Variants in CPXM2 observed in about 807,000 individuals in gnomAD.
CPXM2 encodes carboxypeptidase X, M14 family member 2.
CPXM2 carries 66 observed loss-of-function variants against 86.1 expected under a neutral mutation model. The observed-to-expected ratio is 0.77, with a 90% CI of 0.63 to 0.94. The LOEUF is 0.94. Ranked by LOEUF, CPXM2 falls within the 40% of genes least tolerant of loss-of-function variation. The pLI, the probability that CPXM2 is intolerant of heterozygous loss-of-function variation, is 0.00. For missense variants in CPXM2, 948 were observed against 1,026.3 expected, an observed-to-expected ratio of 0.92 and a Z score of 1.04; for synonymous variants, 388 against 400.2, an observed-to-expected ratio of 0.97 and a Z score of 0.36.
At chr10:123,825,655 C>A (rs575612052) in intron 4 of CPXM2, among the ~76,000 whole-genome samples, 3 of 152,200 alleles carry the variant, frequency 2.0e-5, no homozygotes, top group Non-Finnish European at 4.4e-5. Flanking sequence ...AAGCATCACA[C>A]AGCAGTCTCA....
chr10:123,899,395 T>A (rs1397660935), intron 2 of CPXM2, among the ~76,000 whole-genome samples: 1 of 152,208 alleles, frequency 6.6e-6, no homozygotes, highest in East Asian at 1.9e-4. Context: ...AAGGAAAAGG[T>A]TGTATGATTA....
At chr10:123,765,241 C>G (rs1009618095) in intron 10 of CPXM2, among the ~76,000 whole-genome samples, 1 of 152,210 alleles carries the variant, frequency 6.6e-6, no homozygotes, top group Non-Finnish European at 1.5e-5. Flanking sequence ...TATGTCAAAC[C>G]TGTTAGCCTT....
At chr10:123,902,410 A>C (rs1224845203) in intron 2 of CPXM2, among the ~76,000 whole-genome samples, 1 of 152,228 alleles carries the variant, frequency 6.6e-6, no homozygotes, top group Non-Finnish European at 1.5e-5. Context: ...GAATTTAATA[A>C]AATAATGCAT....
rs537239275 is a variant in CPXM2, at chr10:123,831,095, A to G, written c.653+11254T>C. Reference sequence around the variant, plus strand: ...GAGGAAATGCTGTAAACTTAGAAATATTATCTATTCTCCATTACCTCCAGC... The same window carrying G: ...GAGGAAATGCTGTAAACTTAGAAATGTTATCTATTCTCCATTACCTCCAGC... On this transcript the variant is annotated intron_variant, in intron 4 of 13. Coordinates refer to ENST00000241305, the MANE Select transcript of CPXM2 (RefSeq NM_198148.3). Among the ~76,000 whole-genome samples, 10 of 152,320 alleles carry G rather than the reference A, an allele frequency of 6.6e-5. 1 individual carries two copies. In the South Asian group the frequency reaches 2.1e-3, roughly 32 times the overall value.
upstream of CPXM2, among the ~76,000 whole-genome samples, chr10:123,892,760 G>C (rs1233683425): frequency 2.6e-5 from 4 of 152,186 alleles, no homozygotes; most frequent in Non-Finnish European, 5.9e-5. Context: ...CTCAGGTATT[G>C]GCTGAATTCA....
At chr10:123,840,002 A>G (rs922757737) in intron 4 of CPXM2, among the ~76,000 whole-genome samples, 1 of 152,170 alleles carries the variant, frequency 6.6e-6, no homozygotes, top group Non-Finnish European at 1.5e-5. Context: ...TGCTTACCCC[A>G]ACCCTTCTTG....
At position 123,845,909 on chromosome 10, in the gene CPXM2, G is replaced by C. The variant is rs979184666; in HGVS notation, c.514-3421C>G. Among the ~76,000 whole-genome samples the C allele has an allele frequency of 2.6e-5, 4 of 152,236 alleles. No individual in the cohort carries two copies. The East Asian group carries it at 7.7e-4, about 29-fold the overall frequency. On this transcript the variant is annotated intron_variant, in intron 3 of 13. Coordinates refer to ENST00000241305, the MANE Select transcript of CPXM2 (RefSeq NM_198148.3). Reference sequence around the variant, plus strand: ...TCAATAGCAGCATCTGAAGCTAGAAGAATGGAGGGATGGTGCTTTCAAAGT... The same window carrying C: ...TCAATAGCAGCATCTGAAGCTAGAACAATGGAGGGATGGTGCTTTCAAAGT...
At chr10:123,797,894 G>T in intron 6 of CPXM2, 82 bp downstream of exon 6, 1 of 1,385,834 alleles carries the variant, frequency 7.2e-7, no homozygotes, top group Non-Finnish European at 9.5e-7. Flanking sequence ...GGTCTGCTTA[G>T]TTTATTTTTA....
At chr10:123,822,323 C>A (rs1484981601) in intron 4 of CPXM2, among the ~76,000 whole-genome samples, 1 of 152,206 alleles carries the variant, frequency 6.6e-6, no homozygotes, top group Non-Finnish European at 1.5e-5. Flanking sequence ...TTTCTCTTCA[C>A]CCTTGCACCA....
chr10:123,937,910 C>T (rs927997592), intron 2 of CPXM2, among the ~76,000 whole-genome samples: 8 of 152,080 alleles, frequency 5.3e-5, no homozygotes, highest in Non-Finnish European at 8.8e-5. Flanking sequence ...TGCAAGAAAC[C>T]CCAGTGTCTA....
intron 4 of CPXM2, among the ~76,000 whole-genome samples, chr10:123,817,215 C>T (rs1391657964): frequency 6.6e-6 from 1 of 152,136 alleles, no homozygotes; most frequent in African/African-American, 2.4e-5. Context: ...GGATCCAGAA[C>T]AGGAGAAGGC....
At chr10:123,762,247 C>A in intron 10 of CPXM2, 78 bp from the exon 11 acceptor site, 1 of 1,585,542 alleles carries the variant, frequency 6.3e-7, no homozygotes. Flanking sequence ...GGGACATAGT[C>A]GAAAAAGCAG....
At chr10:123,911,090 C>A (rs1484736098) in intron 2 of CPXM2, among the ~76,000 whole-genome samples, 3 of 152,210 alleles carry the variant, frequency 2.0e-5, no homozygotes, top group African/African-American at 7.2e-5. Flanking sequence ...TTGATTAAAC[C>A]TGCAAAGACC....
At chr10:123,887,240 A>G (rs1945192102) in intron 1 of CPXM2, 1 of 143,850 alleles carries the variant, frequency 7.0e-6, no homozygotes, top group African/African-American at 2.7e-5. Flanking sequence ...AATAAGCAAG[A>G]ATCTGTGCTC....
intron 13 of CPXM2, among the ~76,000 whole-genome samples, chr10:123,753,140 G>T (rs1846120481): frequency 6.6e-6 from 1 of 152,142 alleles, no homozygotes; most frequent in Admixed American, 6.5e-5. Context: ...ACCCCCCGGG[G>T]AAGAAGGTTC....
intron 2 of CPXM2, among the ~76,000 whole-genome samples, chr10:123,878,076 A>G (rs1945017139): frequency 6.6e-6 from 1 of 152,050 alleles, no homozygotes; most frequent in African/African-American, 2.4e-5. Flanking sequence ...CAACCTGAGT[A>G]GATCCTGACA....
intron 4 of CPXM2, among the ~76,000 whole-genome samples, chr10:123,812,937 G>A (rs573310204): frequency 2.4e-4 from 37 of 152,256 alleles, no homozygotes; most frequent in African/African-American, 8.9e-4. Flanking sequence ...GCAGGTTCAT[G>A]AGCATTGGTT....
At chr10:123,815,706 C>A (rs527456989) in intron 4 of CPXM2, among the ~76,000 whole-genome samples, 1 of 152,290 alleles carries the variant, frequency 6.6e-6, no homozygotes, top group South Asian at 2.1e-4. Flanking sequence ...CCCCCAACAC[C>A]CCTGTTTCCT....
At chr10:123,876,902 G>C (rs1944997332) in intron 2 of CPXM2, among the ~76,000 whole-genome samples, 1 of 152,232 alleles carries the variant, frequency 6.6e-6, no homozygotes, top group African/African-American at 2.4e-5. Flanking sequence ...AGGAAACTGA[G>C]TCATAGAGAA....
Sources: gnomAD v4.1 joint callset for allele counts (sites outside exome capture counted in the v4.1 genomes callset) on GRCh38, gnomAD v4.1.1 for gene constraint, MANE v1.5 for transcripts, NCBI Gene and HGNC (gene_info 2026-07-23, HGNC 2026-07-21) for gene names.